PRDM6: variants seen among roughly 807,000 people sequenced by gnomAD.
PRDM6 encodes the protein putative histone-lysine N-methyltransferase PRDM6.
In PRDM6, 25 loss-of-function variants were observed where a neutral mutation model predicts 60.8. The ratio of observed to expected loss-of-function variants is 0.41; its 90% CI spans 0.30 to 0.57. The LOEUF is 0.57. Ranked by LOEUF, PRDM6 falls within the 20% of genes least tolerant of loss-of-function variation. The pLI is 0.27. For synonymous variants in PRDM6, 407 were observed against 357.4 expected, an observed-to-expected ratio of 1.14 and a Z score of -1.57; for missense variants, 839 against 821.3, an observed-to-expected ratio of 1.02 and a Z score of -0.26.
chr5:123,181,277 G>A (rs750105345), intron 7 of PRDM6, among the ~76,000 whole-genome samples: 16 of 152,178 alleles, frequency 1.1e-4, no homozygotes, highest in Non-Finnish European at 1.9e-4. Flanking sequence ...ATTAGTAAAC[G>A]TATTATAGGG....
At chr5:123,168,555 C>T (rs576688945) in intron 5 of PRDM6, among the ~76,000 whole-genome samples, 25 of 152,238 alleles carry the variant, frequency 1.6e-4, no homozygotes, top group Admixed American at 5.9e-4. Flanking sequence ...TTCTCAGCCC[C>T]GATTTCACTT....
chr5:123,171,555 G>A (rs963873682), intron 6 of PRDM6, among the ~76,000 whole-genome samples: 26 of 152,200 alleles, frequency 1.7e-4, no homozygotes, highest in African/African-American at 6.3e-4. Flanking sequence ...TTTTTGCTTA[G>A]TACTATTTTT....
chr5:123,184,837 G>A (rs335196), intron 7 of PRDM6, among the ~76,000 whole-genome samples: 74,362 of 151,962 alleles, frequency 0.49, 18,247 homozygotes, highest in East Asian at 0.61. Flanking sequence ...GTCATTCCCA[G>A]ACAACATAGA....
Position 123,090,360 on chromosome 5 carries a change from C to A in PRDM6, c.346C>A (p.Leu116Met). The stretch of plus-strand genomic sequence containing the variant: ...TCTCTCGGCCCTGCCGGTGTCGCAG[C>A]TGCCGGTGTTCGCGCCTCTAGCCGC... ...AGLSALPVSQ[L>M]PVFAPLAAAA... Residue 116 changes from leucine (L) to methionine (M), a missense_variant, in exon 2 of 8, where the codon CTG becomes ATG. Leu to Met is a conservative substitution (Grantham distance 15). Transcript: ENST00000407847. 6.8e-7 allele frequency: 1 copy of A among 1,472,722 alleles called. No homozygotes were observed. Among genetic ancestry groups the A allele is most frequent in the Non-Finnish European group, 9.0e-7 (1 of 1,117,214 alleles). The allele number at this position is 1,472,722 out of a possible 1,614,324, so 91.2% of individuals were successfully genotyped here. A position where few individuals can be genotyped will look rare whatever the true frequency, so the allele number is the denominator to read the frequency against.
At chr5:123,101,666 A>G (rs1183204371) in intron 3 of PRDM6, among the ~76,000 whole-genome samples, 2 of 152,170 alleles carry the variant, frequency 1.3e-5, no homozygotes, top group Non-Finnish European at 2.9e-5. Flanking sequence ...ATGCCTATCT[A>G]TTTTTAGAGT....
At chr5:123,182,724 A>G (rs1435063405) in intron 7 of PRDM6, among the ~76,000 whole-genome samples, 2 of 152,232 alleles carry the variant, frequency 1.3e-5, no homozygotes, top group Non-Finnish European at 2.9e-5. Flanking sequence ...TGGAAAAAAA[A>G]GGAAACAACT....
intron 3 of PRDM6, among the ~76,000 whole-genome samples, chr5:123,142,877 CA>C: frequency 0.041 from 1,110 of 27,394 alleles, 6 homozygotes; most frequent in African/African-American, 0.085. Context: ...CAGTGAAGAC[CA>C]AAAAAAAAAA....
intron 6 of PRDM6, among the ~76,000 whole-genome samples, chr5:123,176,592 T>C (rs1321216045): frequency 6.6e-6 from 1 of 152,054 alleles, no homozygotes; most frequent in Admixed American, 6.5e-5. Context: ...GTGCCTGTAG[T>C]CCCAGCTACT....
In PRDM6 at chr5:123,089,255, C is replaced by T. The variant is rs1468982934; in HGVS notation, c.-280C>T. The T allele has an allele frequency of 6.5e-6, 1 of 152,980 alleles. No individual in the cohort carries two copies. The highest frequency in any genetic ancestry group is 1.5e-5 in the Non-Finnish European group (1 of 68,484). 9.5% of individuals were successfully genotyped at this position (152,980 alleles called of 1,614,324 possible). ...GCCGGGAAGCTGCCAGAGCGTGGAACCAAGGAGCCAGGACGCGGCAGCGGC... is the reference window on the plus strand; with the variant it reads ...GCCGGGAAGCTGCCAGAGCGTGGAATCAAGGAGCCAGGACGCGGCAGCGGC... On this transcript the variant is annotated 5_prime_UTR_variant, in exon 1 of 8. Coordinates refer to ENST00000407847, the MANE Select transcript of PRDM6 (RefSeq NM_001136239.4).
intron 7 of PRDM6, among the ~76,000 whole-genome samples, chr5:123,186,362 T>C (rs1265743726): frequency 8.5e-5 from 13 of 152,330 alleles, no homozygotes; most frequent in African/African-American, 3.1e-4. Context: ...TTACAGTCTT[T>C]TTTTGTTGTT....
At position 123,099,650 on chromosome 5, in the gene PRDM6, G is replaced by T; in HGVS notation, c.593-4G>T. On this transcript the variant is annotated splice_region_variant and splice_polypyrimidine_tract_variant and intron_variant, in intron 2 of 7. Coordinates refer to ENST00000407847, the MANE Select transcript of PRDM6 (RefSeq NM_001136239.4). The surrounding 1 kb of genome is among the most constrained non-coding windows in gnomAD (Gnocchi z 4.0). ...CTTCCCTTCCTCCTTCTTGTCTCCC[G>T]CAGGTTGCGACATGTGCGCGGACAA... 1 of 1,449,608 alleles carries T rather than the reference G, an allele frequency of 6.9e-7. No homozygotes were observed. 89.8% of individuals were successfully genotyped at this position (1,449,608 alleles called of 1,614,324 possible).
chr5:123,099,612 A>C lies in PRDM6; in HGVS notation c.593-42A>C. ...AAGATGGGCCGCTCGGGGCGGCCGG[A>C]TTAACCCGCTCCCTTCCCTTCCTCC... On this transcript the variant is annotated intron_variant, in intron 2 of 7. Coordinates refer to ENST00000407847, the MANE Select transcript of PRDM6 (RefSeq NM_001136239.4). The surrounding 1 kb of genome is among the most constrained non-coding windows in gnomAD (Gnocchi z 4.0). 7.0e-7 allele frequency: 1 copy of C among 1,425,660 alleles called. No individual in the cohort carries two copies. Among genetic ancestry groups the C allele is most frequent in the Non-Finnish European group, 9.2e-7 (1 of 1,086,646 alleles). 88.3% of individuals were successfully genotyped at this position (1,425,660 alleles called of 1,614,324 possible). A position where few individuals can be genotyped will look rare whatever the true frequency, so the allele number is the denominator to read the frequency against.
At position 123,193,545 on chromosome 5, in the gene PRDM6, G is replaced by T. The variant is rs781250655; in HGVS notation, c.*6344G>T. The T allele has an allele frequency of 2.6e-5, 4 of 152,112 alleles. No homozygotes were observed. Among genetic ancestry groups the T allele is most frequent in the Non-Finnish European group, 5.9e-5 (4 of 68,036 alleles). The allele number at this position is 152,112 out of a possible 1,614,324, so 9.4% of individuals were successfully genotyped here. A position where few individuals can be genotyped will look rare whatever the true frequency, so the allele number is the denominator to read the frequency against. ...AACCTGGAGAAAATGTATAGCAAAA[G>T]CCAGAGGCAAAATTATTCTCCTTAG... On this transcript the variant is annotated 3_prime_UTR_variant, in exon 8 of 8. Transcript: ENST00000407847.
chr5:123,148,536 C>T (rs547891606), intron 3 of PRDM6, among the ~76,000 whole-genome samples: 2 of 150,368 alleles, frequency 1.3e-5, no homozygotes, highest in South Asian at 2.1e-4. Context: ...GCACACTAGT[C>T]GGTGTTTAAT....
intron 3 of PRDM6, among the ~76,000 whole-genome samples, chr5:123,134,916 G>A (rs936611357): frequency 6.6e-6 from 1 of 151,802 alleles, no homozygotes; most frequent in Non-Finnish European, 1.5e-5. Context: ...ACCTGCAGTG[G>A]TTGACACATT....
At chr5:123,174,705 G>T (rs1279657785) in intron 6 of PRDM6, among the ~76,000 whole-genome samples, 1 of 151,946 alleles carries the variant, frequency 6.6e-6, no homozygotes, top group Non-Finnish European at 1.5e-5. Flanking sequence ...AGATCCTCAG[G>T]GATCCCAGCC....
chr5:123,168,386 T>C lies in PRDM6; in HGVS notation c.1154-2380T>C, dbSNP rs956125323. ...ATTGAGCAGAGATGCTATGAATGTATGGTCAGAAAAAAAAAATTCTGTCTT... is the reference window on the plus strand; with the variant it reads ...ATTGAGCAGAGATGCTATGAATGTACGGTCAGAAAAAAAAAATTCTGTCTT... On this transcript the variant is annotated intron_variant, in intron 5 of 7. Coordinates refer to ENST00000407847, the MANE Select transcript of PRDM6 (RefSeq NM_001136239.4). 4.6e-5 allele frequency among the ~76,000 whole-genome samples: 7 copies of C among 152,142 alleles called. No homozygotes were observed. The East Asian group carries it at 7.7e-4, about 17-fold the overall frequency.
intron 3 of PRDM6, among the ~76,000 whole-genome samples, chr5:123,139,742 T>C (rs1624822): frequency 0.42 from 62,921 of 151,426 alleles, 13,134 homozygotes; most frequent in East Asian, 0.59. Flanking sequence ...ATTTTTAAAA[T>C]GTGAAGATTT....
chr5:123,101,039 A>G (rs182126219), intron 3 of PRDM6, among the ~76,000 whole-genome samples: 169 of 152,308 alleles, frequency 1.1e-3, no homozygotes, highest in African/African-American at 3.8e-3. Context: ...CCATTAATGC[A>G]TCGTTTCTGC....
Sources: allele counts gnomAD v4.1 joint callset (sites outside exome capture counted in the v4.1 genomes callset), GRCh38; gene constraint gnomAD v4.1.1; non-coding constraint Gnocchi (gnomAD v3.1); transcripts MANE v1.5; gene names NCBI Gene and HGNC (gene_info 2026-07-23, HGNC 2026-07-21).